CUL2: variants seen among roughly 807,000 people sequenced by gnomAD.
CUL2 encodes the protein cullin-2.
In CUL2, 22 loss-of-function variants were observed where a neutral mutation model predicts 110.2. That is an observed-to-expected ratio of 0.20 (90% CI 0.14 to 0.28). The LOEUF is 0.28. Among genes scored for constraint, CUL2 ranks in the 10% least tolerant of loss-of-function variants. The probability of loss-of-function intolerance (pLI) is 1.00; values close to 1 mark genes in which losing one functional copy is unlikely to be tolerated. For missense variants in CUL2, 631 were observed against 905.5 expected (o/e 0.70, Z 3.89); for synonymous variants, 279 against 293.2 (o/e 0.95, Z 0.49).
At position 35,068,789 on chromosome 10, in the gene CUL2, G is replaced by A. The variant is rs529380624; in HGVS notation, c.119+2410C>T. Reference sequence around the variant, plus strand: ...TTTCCACTTAAGATATTAAGGGTCAGAAGTGAACTTTATATTCTTGGGCAA... The same window carrying A: ...TTTCCACTTAAGATATTAAGGGTCAAAAGTGAACTTTATATTCTTGGGCAA... On this transcript the variant is annotated intron_variant, in intron 2 of 20. Coordinates refer to ENST00000374749, the MANE Select transcript of CUL2 (RefSeq NM_003591.4). Among the ~76,000 whole-genome samples, 23 of 152,308 alleles carry A rather than the reference G, an allele frequency of 1.5e-4. No homozygotes were observed. In the East Asian group the frequency reaches 2.7e-3, roughly 18 times the overall value.
chr10:35,075,482 C>A, intron 1 of CUL2, among the ~76,000 whole-genome samples: 1 of 152,180 alleles, frequency 6.6e-6, no homozygotes, highest in Middle Eastern at 3.4e-3. Context: ...GATTCCCACG[C>A]GCACTCAGAT....
At chr10:35,121,591 G>A (rs1045409101) in intron 1 of CUL2, among the ~76,000 whole-genome samples, 1 of 152,204 alleles carries the variant, frequency 6.6e-6, no homozygotes. Flanking sequence ...ATGTGGCATG[G>A]AGCCCTTTTC....
Position 35,016,384 on chromosome 10 carries a change from T to C in CUL2, c.1695A>G (p.Lys565=), listed in dbSNP as rs753221929. The C allele has an allele frequency of 6.2e-7, 1 of 1,602,596 alleles. No homozygotes were observed. Among genetic ancestry groups the C allele is most frequent in the Non-Finnish European group, 8.5e-7 (1 of 1,172,412 alleles). Residue 565 remains lysine (K), a synonymous_variant, in exon 18 of 21, where the codon AAA becomes AAG. Transcript: ENST00000374749. The stretch of plus-strand genomic sequence containing the variant: ...CATATGGTTTGCCCAAATAGTTCAT[T>C]TTAACTTCACCTACAATTAAAACAA... The part of the protein sequence containing the change: ...WLHYLCTGEV[K]MNYLGKPYVA...
upstream of CUL2, among the ~76,000 whole-genome samples, chr10:35,091,271 G>T (rs996774148): frequency 6.6e-6 from 1 of 152,082 alleles, no homozygotes; most frequent in African/African-American, 2.4e-5. Flanking sequence ...TCATTTATAC[G>T]ATTCAGCAAG....
chr10:35,124,799 G>A (rs188111872), intron 1 of CUL2, among the ~76,000 whole-genome samples: 8 of 152,266 alleles, frequency 5.3e-5, no homozygotes, highest in East Asian at 3.9e-4. Flanking sequence ...AGTTGGATTC[G>A]GAGAGGAAAA....
chr10:35,048,697 C>CT (rs780742797), intron 6 of CUL2, among the ~76,000 whole-genome samples: 29 of 152,328 alleles, frequency 1.9e-4, no homozygotes, highest in Non-Finnish European at 3.7e-4. Context: ...CTCCAGCTCT[C>CT]TATCTCTAAA....
intron 1 of CUL2, among the ~76,000 whole-genome samples, chr10:35,104,965 A>G (rs1424397906): frequency 1.3e-5 from 2 of 151,674 alleles, no homozygotes; most frequent in Admixed American, 1.3e-4. Context: ...CCGACCTCAG[A>G]TGATCCACCC....
intron 17 of CUL2, among the ~76,000 whole-genome samples, chr10:35,019,221 G>C (rs2085123682): frequency 6.6e-6 from 1 of 152,214 alleles, no homozygotes; most frequent in Admixed American, 6.5e-5. Context: ...GGATGTCACT[G>C]ATGCTGTAAT....
chr10:35,028,855 T>A lies in CUL2; in HGVS notation c.1572A>T (p.Ser524=). The change falls in exon 16 of 21, where the codon TCA becomes TCT. Residue 524 remains serine (S), a synonymous_variant. Transcript: ENST00000374749. ...ATTCCTGGGGAATTGCAAACGTAGA[T>A]GAAGGAGCCTGAGTAAGAGGCCACG... ...AGAWPLTQAP[S]STFAIPQELE... 1 of 1,612,030 alleles carries A rather than the reference T, an allele frequency of 6.2e-7. No individual in the cohort carries two copies.
intron 2 of CUL2, among the ~76,000 whole-genome samples, chr10:35,096,885 C>T (rs2087307004): frequency 6.6e-6 from 1 of 150,954 alleles, no homozygotes; most frequent in Admixed American, 6.6e-5. Flanking sequence ...TCTCAGCTCA[C>T]TGCAACCTCT....
At position 35,060,972 on chromosome 10, in the gene CUL2, T is replaced by C. The variant is rs551640356; in HGVS notation, c.223-4A>G. On this transcript the variant is annotated splice_region_variant and splice_polypyrimidine_tract_variant and intron_variant, in intron 3 of 20. Coordinates refer to ENST00000374749, the MANE Select transcript of CUL2 (RefSeq NM_003591.4). ...GTTCTTCTGACTCCAAAACTCTCTA[T>C]ATAAAGAGGAAAAATATTTTTACTT... 6 of 1,600,754 alleles carry C rather than the reference T, an allele frequency of 3.7e-6. No individual in the cohort carries two copies. In the South Asian group the frequency reaches 6.8e-5, roughly 18 times the overall value.
At chr10:35,040,230 A>C (rs2085748217) in intron 8 of CUL2, among the ~76,000 whole-genome samples, 1 of 152,204 alleles carries the variant, frequency 6.6e-6, no homozygotes, top group Non-Finnish European at 1.5e-5. Context: ...GTCAATCAAG[A>C]CTTTTATTAA....
In CUL2 at chr10:35,044,882, T is replaced by C. The variant is rs1180685738; in HGVS notation, c.507-14A>G. On this transcript the variant is annotated splice_polypyrimidine_tract_variant and intron_variant, in intron 6 of 20. Coordinates refer to ENST00000374749, the MANE Select transcript of CUL2 (RefSeq NM_003591.4). The stretch of plus-strand genomic sequence containing the variant: ...CCACCACGATCACTAAAACAAGGTA[T>C]AACACAAAATATTCTTGAGAATACA... 1 of 1,570,180 alleles carries C rather than the reference T, an allele frequency of 6.4e-7. No individual in the cohort carries two copies. Among genetic ancestry groups the C allele is most frequent in the South Asian group, 1.1e-5 (1 of 87,446 alleles).
At chr10:35,040,564 T>G (rs2085758154) in intron 8 of CUL2, among the ~76,000 whole-genome samples, 2 of 152,108 alleles carry the variant, frequency 1.3e-5, no homozygotes, top group Admixed American at 6.6e-5. Flanking sequence ...CTCCAGACAG[T>G]AGGTTCCCAC....
chr10:35,083,278 T>G (rs1451751854), intron 1 of CUL2, among the ~76,000 whole-genome samples: 1 of 152,136 alleles, frequency 6.6e-6, no homozygotes, highest in East Asian at 1.9e-4. Context: ...TGAGTTGTAA[T>G]CAAAGGTATC....
At chr10:35,017,887 AAAAG>A (rs2085077896) in intron 17 of CUL2, among the ~76,000 whole-genome samples, 4 of 151,794 alleles carry the variant, frequency 2.6e-5, no homozygotes, top group African/African-American at 7.3e-5. Context: ...AAAAAAAAAA[AAAAG>A]AAAAGAAAAA....
chr10:35,068,615 A>ATTATT (rs2086598253), intron 2 of CUL2, among the ~76,000 whole-genome samples: 1 of 152,182 alleles, frequency 6.6e-6, no homozygotes, highest in Admixed American at 6.5e-5. Flanking sequence ...ATTTGTGCAA[A>ATTATT]GGTGTATTTT....
At chr10:35,053,535 A>C (rs1487293669) in intron 5 of CUL2, among the ~76,000 whole-genome samples, 1 of 152,248 alleles carries the variant, frequency 6.6e-6, no homozygotes, top group Non-Finnish European at 1.5e-5. Context: ...CTGTTCAGCC[A>C]TTAGGCACCC....
chr10:35,042,947 A>C (rs1260155442), intron 8 of CUL2, among the ~76,000 whole-genome samples: 1 of 151,954 alleles, frequency 6.6e-6, no homozygotes, highest in Non-Finnish European at 1.5e-5. Context: ...ATTAGCCACT[A>C]TCTCAAGTAG....
Sources: gnomAD v4.1 joint callset for allele counts (sites outside exome capture counted in the v4.1 genomes callset) on GRCh38, gnomAD v4.1.1 for gene constraint, MANE v1.5 for transcripts, NCBI Gene and HGNC (gene_info 2026-07-23, HGNC 2026-07-21) for gene names.